The following SAXO4 variants were observed in gnomAD, a reference collection of about 807,000 sequenced individuals.
SAXO4 encodes the protein stabilizer of axonemal microtubules 4, also known as protein phosphatase 1 regulatory subunit 32.
the SAXO4 span, chr11:61,490,094 C>T: frequency 3.8e-6 from 3 of 789,344 alleles, no homozygotes; most frequent in African/African-American, 5.2e-5. Context: ...GTCCCTTCTC[C>T]TGCTAGCACA....
chr11:61,482,511 T>G, the SAXO4 span: 1 of 1,562,590 alleles, frequency 6.4e-7, no homozygotes, highest in Non-Finnish European at 8.8e-7. Context: ...CCCTGAGCTT[T>G]GCCTGCCCTA....
At chr11:61,482,483 A>T in the SAXO4 span, 5 of 1,576,488 alleles carry the variant, frequency 3.2e-6, no homozygotes, top group East Asian at 1.1e-4. Flanking sequence ...GACCAACTCC[A>T]GGTTCCTTGG....
the SAXO4 span, chr11:61,482,034 G>T: frequency 1.3e-6 from 1 of 773,038 alleles, no homozygotes; most frequent in East Asian, 2.6e-5. Context: ...TGCTGAATCC[G>T]TTTGTCCCCT....
the SAXO4 span, chr11:61,482,444 C>A: frequency 6.2e-7 from 1 of 1,604,546 alleles, no homozygotes; most frequent in Non-Finnish European, 8.5e-7. Context: ...GTCTGTATGG[C>A]CCCTTCCCAG....
the SAXO4 span, chr11:61,484,948 A>G: frequency 1.2e-5 from 14 of 1,151,348 alleles, no homozygotes; most frequent in Non-Finnish European, 1.6e-5. Context: ...GGGCGCCAAG[A>G]AAGATGGGAG....
At chr11:61,484,884 C>T in the SAXO4 span, 753 of 1,505,034 alleles carry the variant, frequency 5.0e-4, 6 homozygotes, top group Non-Finnish European at 2.6e-4. Flanking sequence ...TTCCTCCCAC[C>T]TCAAGACAAG....
At chr11:61,482,538 T>A in the SAXO4 span, 1 of 1,569,836 alleles carries the variant, frequency 6.4e-7, no homozygotes. Flanking sequence ...GGGTCCTGGG[T>A]GACTCAGGGC....
chr11:61,483,218 G>A, the SAXO4 span, among the ~76,000 whole-genome samples: 3 of 142,506 alleles, frequency 2.1e-5, no homozygotes, highest in East Asian at 4.2e-4. Context: ...CCAGGCTGGA[G>A]TGCAGTGGCA....
the SAXO4 span, chr11:61,489,206 C>G: frequency 3.2e-5 from 5 of 158,480 alleles, no homozygotes; most frequent in Non-Finnish European, 6.9e-5. Context: ...GTGGCTCTGG[C>G]AGAGACCAGC....
chr11:61,485,208 C>A, the SAXO4 span: 1 of 729,512 alleles, frequency 1.4e-6, no homozygotes, highest in Non-Finnish European at 2.3e-6. Context: ...AGACTTGTGT[C>A]CAGGGTGCTG....
the SAXO4 span, chr11:61,484,566 A>G: frequency 7.7e-7 from 1 of 1,291,518 alleles, no homozygotes; most frequent in Non-Finnish European, 1.1e-6. Context: ...TGCAGGTTTC[A>G]TTGTAAAAGG....
the SAXO4 span, chr11:61,486,932 G>T: frequency 6.2e-7 from 1 of 1,611,096 alleles, no homozygotes; most frequent in Non-Finnish European, 8.5e-7. Context: ...CCTTCTGGTG[G>T]TTCTGTGCCC....
chr11:61,488,149 G>A, the SAXO4 span, among the ~76,000 whole-genome samples: 29 of 152,020 alleles, frequency 1.9e-4, no homozygotes, highest in Middle Eastern at 3.4e-3. Context: ...ACCATGCCCA[G>A]CTAATTTTTG....
the SAXO4 span, chr11:61,482,417 C>T: frequency 4.3e-6 from 7 of 1,613,808 alleles, 1 homozygote; most frequent in Middle Eastern, 1.6e-4. Flanking sequence ...CCTTAGACAA[C>T]CCGGCCAGGG....
At chr11:61,487,973 G>A in the SAXO4 span, among the ~76,000 whole-genome samples, 1 of 151,464 alleles carries the variant, frequency 6.6e-6, no homozygotes, top group African/African-American at 2.4e-5. Flanking sequence ...TAAAGGAAGT[G>A]TAATTCTTCT....
the SAXO4 span, chr11:61,481,941 G>A: frequency 6.7e-7 from 1 of 1,490,568 alleles, no homozygotes; most frequent in Non-Finnish European, 9.2e-7. Flanking sequence ...TTGCGCAGGA[G>A]CCTCTGCTAG....
At chr11:61,488,299 TC>T in the SAXO4 span, among the ~76,000 whole-genome samples, 11 of 113,700 alleles carry the variant, frequency 9.7e-5, no homozygotes, top group Non-Finnish European at 1.8e-4. Context: ...GAAGTACAAT[TC>T]CTTTTTTTTT....
At chr11:61,484,644 T>C in the SAXO4 span, 1 of 1,606,532 alleles carries the variant, frequency 6.2e-7, no homozygotes, top group Non-Finnish European at 8.5e-7. Flanking sequence ...AGTCAGGGAG[T>C]GACTGCCGCC....
the SAXO4 span, chr11:61,486,738 T>G: frequency 1.0e-6 from 1 of 994,506 alleles, no homozygotes; most frequent in Admixed American, 2.0e-5. Context: ...AGGTAGGCCC[T>G]CAGGTGGAGG....
Sources: gnomAD v4.1 joint callset for allele counts (sites outside exome capture counted in the v4.1 genomes callset) on GRCh38, gnomAD v4.1.1 for gene constraint, MANE v1.5 for transcripts, NCBI Gene and HGNC (gene_info 2026-07-23, HGNC 2026-07-21) for gene names.